ERO1A: variants seen among roughly 807,000 people sequenced by gnomAD.
The protein encoded by ERO1A is ERO1-like protein alpha.
ERO1A carries 49 observed loss-of-function variants against 76.9 expected under a neutral mutation model. The observed-to-expected ratio is 0.64, with a 90% CI of 0.51 to 0.81. The LOEUF (loss-of-function observed/expected upper bound fraction) is 0.81, where lower values mean the gene tolerates loss of function less well. ERO1A is among the 30% of genes least tolerant of loss of function. ERO1A has a pLI of 0.00. For missense variants in ERO1A, 448 were observed against 542.1 expected (o/e 0.83, Z 1.72); for synonymous variants, 174 against 181.2 (o/e 0.96, Z 0.32).
intron 3 of ERO1A, among the ~76,000 whole-genome samples, chr14:52,678,738 C>G (rs1312190566): frequency 6.6e-6 from 1 of 152,148 alleles, no homozygotes; most frequent in Non-Finnish European, 1.5e-5. Flanking sequence ...TTTTGATGTT[C>G]AAATTGTCCC....
At chr14:52,684,170 G>A (rs560738603) in intron 1 of ERO1A, among the ~76,000 whole-genome samples, 9 of 149,652 alleles carry the variant, frequency 6.0e-5, no homozygotes, top group African/African-American at 1.7e-4. Context: ...TGGCCCCCTG[G>A]CAACCTTTAT....
rs1322548214 is a variant in ERO1A at position 52,685,393 on chromosome 14, T to A, written c.115-1486A>T. On this transcript the variant is annotated intron_variant, in intron 1 of 15. Transcript: ENST00000395686. ...TGTTTCCTACTAAAAATTCTCTGAATACACAAGAATCTCAGAGTCCTAATT... is the reference window on the plus strand; with the variant it reads ...TGTTTCCTACTAAAAATTCTCTGAAAACACAAGAATCTCAGAGTCCTAATT... Among the ~76,000 whole-genome samples the A allele has an allele frequency of 2.6e-5, 4 of 152,224 alleles. No individual in the cohort carries two copies. The East Asian group carries it at 7.7e-4, about 29-fold the overall frequency.
At chr14:52,677,560 T>C (rs901479548) in intron 4 of ERO1A, among the ~76,000 whole-genome samples, 8 of 151,946 alleles carry the variant, frequency 5.3e-5, no homozygotes, top group African/African-American at 1.9e-4. Context: ...GTAAAGGATA[T>C]TAGGTAAAAA....
intron 1 of ERO1A, among the ~76,000 whole-genome samples, chr14:52,688,616 A>T (rs2041255641): frequency 6.6e-6 from 1 of 152,238 alleles, no homozygotes; most frequent in Non-Finnish European, 1.5e-5. Context: ...TTTCATAATG[A>T]ATAAGAAAAA....
At chr14:52,670,331 A>G (rs1339576660) in intron 6 of ERO1A, among the ~76,000 whole-genome samples, 1 of 152,268 alleles carries the variant, frequency 6.6e-6, no homozygotes, top group African/African-American at 2.4e-5. Flanking sequence ...AGGAAATACT[A>G]GAAAAAGGAA....
chr14:52,657,806 T>G (rs2040099685), intron 11 of ERO1A, 111 bp downstream of exon 11: 1 of 667,378 alleles, frequency 1.5e-6, no homozygotes. Flanking sequence ...GAATTTTTAC[T>G]GCCTAATATT....
Position 52,639,942 on chromosome 14 carries a change from C to A in ERO1A, c.*3628G>T, listed in dbSNP as rs576616413. ...GAATACAATTTCAGCTTTATTGACCCCCTAAAGTCTACAAATCCTTGGGAC... is the reference window on the plus strand; with the variant it reads ...GAATACAATTTCAGCTTTATTGACCACCTAAAGTCTACAAATCCTTGGGAC... On this transcript the variant is annotated 3_prime_UTR_variant, in exon 16 of 16. Coordinates refer to ENST00000395686, the MANE Select transcript of ERO1A (RefSeq NM_014584.3). 1.3e-5 allele frequency: 2 copies of A among 152,122 alleles called. No individual in the cohort carries two copies. Among genetic ancestry groups the A allele is most frequent in the Admixed American group, 1.3e-4 (2 of 15,270 alleles). 9.4% of individuals were successfully genotyped at this position (152,122 alleles called of 1,614,324 possible).
At position 52,663,808 on chromosome 14, in the gene ERO1A, A is replaced by G. The variant is rs761986322; in HGVS notation, c.669T>C (p.Ser223=). Residue 223 remains serine, a synonymous_variant, in exon 8 of 16, where the codon TCT becomes TCC. Coordinates refer to ENST00000395686, the MANE Select transcript of ERO1A (RefSeq NM_014584.3). ...CGCAAATAAGTAATTTACCTTGACC[A>G]GAAGCCAAAGGATTTAAAGGTCTTT... The part of the protein sequence containing the change: ...TIKRPLNPLA[S]GQGTSEENTF... 9 of 1,572,048 alleles carry G rather than the reference A, an allele frequency of 5.7e-6. No individual in the cohort carries two copies. In the East Asian group the frequency reaches 1.8e-4, roughly 31 times the overall value.
Position 52,652,247 on chromosome 14 carries a change from T to G in ERO1A, c.1117A>C (p.Lys373Gln), listed in dbSNP as rs1228210378. 6.3e-7 allele frequency: 1 copy of G among 1,595,428 alleles called. No individual in the cohort carries two copies. Among genetic ancestry groups the G allele is most frequent in the Non-Finnish European group, 8.6e-7 (1 of 1,163,116 alleles). ...AAGTATAAAGTAATTACCTTTAGTTTGTGTGCTTCTTTTTTATCCCCAGCA... is the reference window on the plus strand; with the variant it reads ...AAGTATAAAGTAATTACCTTTAGTTGGTGTGCTTCTTTTTTATCCCCAGCA... ...FFAGDKKEAHKLKEDFRLHFR... is the reference protein window; with the variant it reads ...FFAGDKKEAHQLKEDFRLHFR... The change falls in exon 13 of 16, where the codon AAA becomes CAA. Residue 373 changes from lysine to glutamine, a missense_variant. Lys to Gln is a moderately conservative substitution (Grantham distance 53). Around this residue, in one of 2 missense-constraint regions of ERO1A, gnomAD observed 302 missense variants for 411.9 expected, o/e 0.73. Transcript: ENST00000395686.
At chr14:52,675,121 C>A (rs532502567) in intron 4 of ERO1A, among the ~76,000 whole-genome samples, 60 of 152,230 alleles carry the variant, frequency 3.9e-4, no homozygotes, top group Non-Finnish European at 7.2e-4. Context: ...CGGTGGCTCA[C>A]ACCTGTAATC....
chr14:52,688,977 C>T (rs556661516), intron 1 of ERO1A, among the ~76,000 whole-genome samples: 41 of 151,714 alleles, frequency 2.7e-4, no homozygotes, highest in African/African-American at 8.9e-4. Flanking sequence ...TTTTTTGAGA[C>T]GGAGTTTTAT....
chr14:52,678,419 G>A lies in ERO1A; in HGVS notation c.357+15C>T. ...CATTAAGATACTGGACACATCAATAGGTATACGTACACACCTTGTAGCTCG... is the reference window on the plus strand; with the variant it reads ...CATTAAGATACTGGACACATCAATAAGTATACGTACACACCTTGTAGCTCG... On this transcript the variant is annotated intron_variant, in intron 4 of 15. Transcript: ENST00000395686. 1.2e-6 allele frequency: 2 copies of A among 1,608,664 alleles called. No homozygotes were observed. Among genetic ancestry groups the A allele is most frequent in the African/African-American group, 2.7e-5 (2 of 74,868 alleles).
chr14:52,646,097 A>G (rs1252036095), intron 15 of ERO1A, 57 bp downstream of exon 15: 12 of 1,543,580 alleles, frequency 7.8e-6, no homozygotes, highest in South Asian at 6.2e-5. Context: ...CTGAGAGCAT[A>G]TATGTTGCAT....
At chr14:52,670,628 C>T (rs117078082) in intron 6 of ERO1A, among the ~76,000 whole-genome samples, 173 of 152,268 alleles carry the variant, frequency 1.1e-3, no homozygotes, top group Admixed American at 2.6e-3. Flanking sequence ...ACTCGACTAA[C>T]GGTTCAATAT....
At chr14:52,690,043 T>C (rs887168903) in intron 1 of ERO1A, among the ~76,000 whole-genome samples, 1 of 152,180 alleles carries the variant, frequency 6.6e-6, no homozygotes, top group Non-Finnish European at 1.5e-5. Flanking sequence ...TGTCAATAAA[T>C]GGTGGTGGGA....
chr14:52,674,718 A>G (rs773739457), intron 4 of ERO1A, among the ~76,000 whole-genome samples: 2 of 152,186 alleles, frequency 1.3e-5, no homozygotes, highest in African/African-American at 2.4e-5. Flanking sequence ...GTTGCCTCTG[A>G]AGAAGGAGTG....
At chr14:52,644,038 C>T (rs1321486469) in intron 15 of ERO1A, among the ~76,000 whole-genome samples, 1 of 151,972 alleles carries the variant, frequency 6.6e-6, no homozygotes, top group African/African-American at 2.4e-5. Flanking sequence ...TACTTGGAAA[C>T]CCGAGGTAGG....
In ERO1A at chr14:52,661,171, A is replaced by G. The variant is rs189303657; in HGVS notation, c.688+122T>C. 1.7e-4 allele frequency: 64 copies of G among 387,768 alleles called. No homozygotes were observed. In the Admixed American group the frequency reaches 1.8e-3, roughly 11 times the overall value. The allele number at this position is 387,768 out of a possible 1,614,324, so 24.0% of individuals were successfully genotyped here. A position where few individuals can be genotyped will look rare whatever the true frequency, so the allele number is the denominator to read the frequency against. On this transcript the variant is annotated intron_variant, in intron 9 of 15. Transcript: ENST00000395686. ...CTAGTACCTCCAGACTTTCAGATAA[A>G]TAAGTAAAACTTAAGTTCTTCTGAT...
chr14:52,683,923 T>A lies in ERO1A; in HGVS notation c.115-16A>T. ...AACCACTAACCTGTTACAAAGAAAA[T>A]GAAATATTAAATTGAAATGTCCTAA... On this transcript the variant is annotated splice_polypyrimidine_tract_variant and intron_variant, in intron 1 of 15. Coordinates refer to ENST00000395686, the MANE Select transcript of ERO1A (RefSeq NM_014584.3). 6.4e-7 allele frequency: 1 copy of A among 1,553,714 alleles called. No homozygotes were observed. Among genetic ancestry groups the A allele is most frequent in the Non-Finnish European group, 8.7e-7 (1 of 1,153,264 alleles).
Sources: allele counts gnomAD v4.1 joint callset (sites outside exome capture counted in the v4.1 genomes callset), GRCh38; gene constraint gnomAD v4.1.1; regional missense constraint gnomAD v4.1.1; transcripts MANE v1.5; gene names NCBI Gene and HGNC (gene_info 2026-07-23, HGNC 2026-07-21).